RAB6A: variants seen among roughly 807,000 people sequenced by gnomAD.
RAB6A encodes the protein RAB6A, member RAS oncogene family, also known as ras-related protein Rab-6A.
RAB6A carries 8 observed loss-of-function variants against 32.3 expected under a neutral mutation model. The observed-to-expected ratio is 0.25, with a 90% confidence interval of 0.15 to 0.45. The LOEUF (loss-of-function observed/expected upper bound fraction) is 0.45, where lower values mean the gene tolerates loss of function less well. Among genes scored for constraint, RAB6A ranks in the 20% least tolerant of loss-of-function variants. The pLI is 1.00. For synonymous variants in RAB6A, 73 were observed against 82.1 expected (o/e 0.89, Z 0.60); for missense variants, 104 against 249.4 (o/e 0.42, Z 3.93).
intron 1 of RAB6A, among the ~76,000 whole-genome samples, chr11:73,759,529 AGAT>A (rs1320596240): frequency 1.3e-5 from 2 of 152,222 alleles, no homozygotes; most frequent in African/African-American, 2.4e-5. Context: ...TTAGGTAACT[AGAT>A]GATGAGTCTG....
chr11:73,695,789 G>A (rs947394230), intron 6 of RAB6A, among the ~76,000 whole-genome samples: 1 of 152,168 alleles, frequency 6.6e-6, no homozygotes, highest in African/African-American at 2.4e-5. Context: ...TATTTTATTT[G>A]TAATTTCTAG....
Position 73,677,590 on chromosome 11 carries a change from T to C in RAB6A, c.*308A>G, listed in dbSNP as rs1367115806. 2 of 613,872 alleles carry C rather than the reference T, an allele frequency of 3.3e-6. No individual in the cohort carries two copies. The highest frequency in any genetic ancestry group is 3.7e-5 in the African/African-American group (2 of 53,444). The allele number at this position is 613,872 out of a possible 1,614,324, so 38.0% of individuals were successfully genotyped here. ...CTCATACTGTTGAGATTTCCATCAT[T>C]TTGAAGTACATTATCATAACATTAA... On this transcript the variant is annotated 3_prime_UTR_variant, in exon 8 of 8. Coordinates refer to ENST00000336083, the MANE Select transcript of RAB6A (RefSeq NM_198896.2).
intron 6 of RAB6A, among the ~76,000 whole-genome samples, chr11:73,684,627 G>A (rs1247391954): frequency 1.3e-5 from 2 of 152,102 alleles, no homozygotes; most frequent in Non-Finnish European, 2.9e-5. Flanking sequence ...CAGTATCTCC[G>A]AGGTACACCT....
rs558383351 is a variant in RAB6A, at chr11:73,761,059, G to C, written c.-424C>G. ...TTCCACAGCTGCCGCCGCCGCCGCA[G>C]CCCAACCTGCTGAGTGCGCGAGCCT... On this transcript the variant is annotated 5_prime_UTR_variant, in exon 1 of 8. Coordinates refer to ENST00000336083, the MANE Select transcript of RAB6A (RefSeq NM_198896.2). 6.4e-6 allele frequency: 1 copy of C among 156,962 alleles called. No individual in the cohort carries two copies. Among genetic ancestry groups the C allele is most frequent in the South Asian group, 2.0e-4 (1 of 5,052 alleles). 9.7% of individuals were successfully genotyped at this position (156,962 alleles called of 1,614,324 possible).
chr11:73,713,836 C>A (rs1257802123), intron 5 of RAB6A, among the ~76,000 whole-genome samples: 1 of 151,956 alleles, frequency 6.6e-6, no homozygotes, highest in Non-Finnish European at 1.5e-5. Flanking sequence ...GCAAAGATTA[C>A]CAAGAAAGAT....
At chr11:73,695,299 C>A (rs1012080195) in intron 6 of RAB6A, among the ~76,000 whole-genome samples, 1 of 151,358 alleles carries the variant, frequency 6.6e-6, no homozygotes, top group Non-Finnish European at 1.5e-5. Flanking sequence ...TTAGGAATCA[C>A]AAATGACTAA....
intron 6 of RAB6A, among the ~76,000 whole-genome samples, chr11:73,705,287 C>T (rs1945820320): frequency 6.6e-6 from 1 of 152,174 alleles, no homozygotes; most frequent in Non-Finnish European, 1.5e-5. Context: ...GTGGCTCACA[C>T]CTGTAATTCC....
At chr11:73,717,305 G>A (rs1390137726) in intron 4 of RAB6A, among the ~76,000 whole-genome samples, 1 of 152,164 alleles carries the variant, frequency 6.6e-6, no homozygotes, top group South Asian at 2.1e-4. Context: ...TAGTTCCTTT[G>A]TCTATTTAAG....
At chr11:73,679,555 G>A in intron 7 of RAB6A, 99 bp downstream of exon 7, 1 of 1,440,286 alleles carries the variant, frequency 6.9e-7, no homozygotes, top group South Asian at 1.2e-5. Context: ...TCAGTTCCTG[G>A]TTGTAAAAGG....
At chr11:73,718,947 A>G (rs1946094284) in intron 3 of RAB6A, 1 of 1,451,392 alleles carries the variant, frequency 6.9e-7, no homozygotes, top group Non-Finnish European at 9.4e-7. Context: ...ACTAAAAAGA[A>G]AAAAGAAACA....
chr11:73,696,472 GGT>G (rs1565350922), intron 6 of RAB6A, among the ~76,000 whole-genome samples: 1 of 152,108 alleles, frequency 6.6e-6, no homozygotes, highest in Non-Finnish European at 1.5e-5. Flanking sequence ...AGGGATTACA[GGT>G]GTGAGCCACC....
At chr11:73,700,600 G>A (rs866081060) in intron 6 of RAB6A, among the ~76,000 whole-genome samples, 2 of 5,132 alleles carry the variant, frequency 3.9e-4, no homozygotes, top group Non-Finnish European at 7.0e-4. Flanking sequence ...AAAAAAAAAA[G>A]TGTGTGTGTG....
chr11:73,734,613 C>T (rs1277599821), intron 1 of RAB6A, among the ~76,000 whole-genome samples: 1 of 152,168 alleles, frequency 6.6e-6, no homozygotes, highest in Non-Finnish European at 1.5e-5. Context: ...GATCATCAGG[C>T]ATTAGATTCT....
chr11:73,723,008 T>C (rs1946165233), intron 2 of RAB6A, among the ~76,000 whole-genome samples: 1 of 152,170 alleles, frequency 6.6e-6, no homozygotes. Context: ...GGTTTTGTCA[T>C]GTTGGACAGG....
chr11:73,696,391 GCT>G (rs919612970), intron 6 of RAB6A, among the ~76,000 whole-genome samples: 1 of 151,748 alleles, frequency 6.6e-6, no homozygotes, highest in African/African-American at 2.4e-5. Flanking sequence ...AGAGACTTTG[GCT>G]CTGTTGGCCA....
chr11:73,692,037 C>A (rs538275108), intron 6 of RAB6A, among the ~76,000 whole-genome samples: 36 of 152,118 alleles, frequency 2.4e-4, no homozygotes, highest in Non-Finnish European at 3.4e-4. Flanking sequence ...TACTTGCTGG[C>A]TGTTGGGTAC....
At chr11:73,746,087 C>G (rs748671306) in intron 1 of RAB6A, among the ~76,000 whole-genome samples, 3 of 151,386 alleles carry the variant, frequency 2.0e-5, no homozygotes, top group Non-Finnish European at 4.4e-5. Flanking sequence ...GCTAACTACT[C>G]AGGAGGCTGA....
chr11:73,748,493 C>T (rs1303433554), intron 1 of RAB6A, among the ~76,000 whole-genome samples: 2 of 152,100 alleles, frequency 1.3e-5, no homozygotes, highest in African/African-American at 2.4e-5. Flanking sequence ...GCCTAGGTGA[C>T]AGAGTGAGAC....
At chr11:73,718,404 T>G (rs536369494) in intron 4 of RAB6A, among the ~76,000 whole-genome samples, 1 of 152,268 alleles carries the variant, frequency 6.6e-6, no homozygotes, top group African/African-American at 2.4e-5. Flanking sequence ...AAAAGAAAAT[T>G]TCTGGGGCAA....
Sources: allele counts gnomAD v4.1 joint callset (sites outside exome capture counted in the v4.1 genomes callset), GRCh38; gene constraint gnomAD v4.1.1; transcripts MANE v1.5; gene names NCBI Gene and HGNC (gene_info 2026-07-23, HGNC 2026-07-21).